Variants in YTHDC2 observed in about 807,000 individuals in gnomAD.
YTHDC2 encodes the protein 3'-5' RNA helicase YTHDC2.
YTHDC2 carries 45 observed loss-of-function variants against 174.9 expected under a neutral mutation model. The observed-to-expected ratio is 0.26, with a 90% confidence interval of 0.20 to 0.33. The LOEUF is 0.33. YTHDC2 is among the 10% of genes least tolerant of loss of function. YTHDC2 has a pLI of 1.00. For synonymous variants in YTHDC2, 657 were observed against 574.5 expected (o/e 1.14, Z -2.05); for missense variants, 1,650 against 1,723.7 (o/e 0.96, Z 0.76).
At position 113,567,083 on chromosome 5, in the gene YTHDC2, C is replaced by T. The variant is rs752342103; in HGVS notation, c.2843-9C>T. 6.2e-7 allele frequency: 1 copy of T among 1,600,058 alleles called. No homozygotes were observed. ...ATAGAAAAATTGGTGTGGTTTTTTT[C>T]CCCTCTAGGTTTTGTTAGAGCACGA... On this transcript the variant is annotated splice_polypyrimidine_tract_variant and intron_variant, in intron 21 of 29. Coordinates refer to ENST00000161863, the MANE Select transcript of YTHDC2 (RefSeq NM_022828.5).
chr5:113,528,229 A>G (rs184880003), intron 4 of YTHDC2, among the ~76,000 whole-genome samples: 34 of 152,302 alleles, frequency 2.2e-4, no homozygotes, highest in African/African-American at 8.2e-4. Context: ...GTATCATTTT[A>G]CTAGATATGA....
chr5:113,561,239 G>C, intron 18 of YTHDC2, 54 bp downstream of exon 18: 57 of 1,391,774 alleles, frequency 4.1e-5, no homozygotes, highest in Non-Finnish European at 5.1e-5. Context: ...GAAGTGAGGG[G>C]CCATTTCAAC....
chr5:113,513,978 G>C lies in YTHDC2; in HGVS notation c.83G>C (p.Gly28Ala), dbSNP rs758785871. ...GGGGPSPCGP[G>A]GGGRAKGLKD... ...GGCGGCCCCTCGCCTTGTGGCCCTG[G>C]GGGCGGCGGCCGGGCCAAGGGGCTG... is the stretch of plus-strand genomic sequence containing the variant. The change falls in exon 1 of 30, where the codon GGG becomes GCG. Residue 28 changes from glycine (G) to alanine (A), a missense_variant. Physicochemically the swap from Gly to Ala is moderately conservative, Grantham distance 60. Around this residue, in one of 5 missense-constraint regions of YTHDC2, gnomAD observed 304 missense variants for 341.4 expected, o/e 0.89. Coordinates refer to ENST00000161863, the MANE Select transcript of YTHDC2 (RefSeq NM_022828.5). The C allele has an allele frequency of 2.5e-6, 4 of 1,603,348 alleles. No homozygotes were observed. The highest frequency in any genetic ancestry group is 3.4e-6 in the Non-Finnish European group (4 of 1,175,814).
intron 16 of YTHDC2, among the ~76,000 whole-genome samples, chr5:113,555,071 T>A (rs1005213791): frequency 3.9e-5 from 6 of 152,002 alleles, no homozygotes; most frequent in African/African-American, 1.4e-4. Context: ...TTTTATATAA[T>A]AGTACATTAA....
At chr5:113,534,539 A>C in intron 6 of YTHDC2, 132 bp downstream of exon 6, 1 of 593,482 alleles carries the variant, frequency 1.7e-6, no homozygotes. Context: ...AAAGAGAACC[A>C]ACTTATTCTT....
chr5:113,527,142 T>C (rs973351899), intron 4 of YTHDC2, among the ~76,000 whole-genome samples: 1 of 152,168 alleles, frequency 6.6e-6, no homozygotes, highest in African/African-American at 2.4e-5. Context: ...CAGGCTCTTT[T>C]TGTAACCTCT....
chr5:113,548,088 C>G (rs976114842), intron 10 of YTHDC2, among the ~76,000 whole-genome samples: 2 of 152,074 alleles, frequency 1.3e-5, no homozygotes, highest in Non-Finnish European at 2.9e-5. Context: ...AAAATAACAA[C>G]CAAACATTGT....
intron 17 of YTHDC2, among the ~76,000 whole-genome samples, chr5:113,560,411 A>T (rs1044569332): frequency 6.6e-6 from 1 of 152,070 alleles, no homozygotes; most frequent in Non-Finnish European, 1.5e-5. Context: ...GTCCTCTTGT[A>T]TTTGATGAAG....
At chr5:113,538,970 C>A in intron 7 of YTHDC2, 104 bp from the exon 8 acceptor site, 2 of 572,314 alleles carry the variant, frequency 3.5e-6, no homozygotes, top group Non-Finnish European at 3.0e-6. Flanking sequence ...TATGAAATTG[C>A]TTTTGGATAT....
Position 113,569,381 on chromosome 5 carries a change from C to T in YTHDC2, c.3244+1532C>T, listed in dbSNP as rs544075092. 7.5e-4 allele frequency among the ~76,000 whole-genome samples: 114 copies of T among 152,294 alleles called. No individual in the cohort carries two copies. In the Middle Eastern group the frequency reaches 0.01, roughly 14 times the overall value. ...CATTTGTCAATTTTTGCTTTTGCTG[C>T]AATTGCTTTTGGCGTTTTTATCATG... is the stretch of plus-strand genomic sequence containing the variant. On this transcript the variant is annotated intron_variant, in intron 23 of 29. Transcript: ENST00000161863.
intron 17 of YTHDC2, among the ~76,000 whole-genome samples, chr5:113,559,343 A>G (rs1776813664): frequency 1.3e-5 from 2 of 152,244 alleles, no homozygotes. Flanking sequence ...ACTAAGAAAG[A>G]TAAGACATCA....
intron 18 of YTHDC2, 102 bp from the exon 19 acceptor site, chr5:113,563,271 T>G (rs1279611862): frequency 5.2e-6 from 5 of 962,966 alleles, no homozygotes; most frequent in Non-Finnish European, 7.4e-6. Flanking sequence ...TCAGAGACTC[T>G]ACTAGTCTGT....
intron 7 of YTHDC2, among the ~76,000 whole-genome samples, chr5:113,537,348 G>A (rs1299639298): frequency 1.4e-5 from 2 of 144,066 alleles, no homozygotes; most frequent in Non-Finnish European, 3.0e-5. Flanking sequence ...ATGTTTTATG[G>A]TTGGCTCTCT....
At chr5:113,577,814 G>T (rs1417769035) in intron 23 of YTHDC2, among the ~76,000 whole-genome samples, 1 of 152,040 alleles carries the variant, frequency 6.6e-6, no homozygotes, top group Non-Finnish European at 1.5e-5. Context: ...TGATTCTTAA[G>T]ATTCTTTTGT....
At chr5:113,523,682 G>T (rs2112543088) in intron 2 of YTHDC2, among the ~76,000 whole-genome samples, 1 of 152,032 alleles carries the variant, frequency 6.6e-6, no homozygotes, top group South Asian at 2.1e-4. Flanking sequence ...ATTCAATAAG[G>T]AGTTTCCAGA....
chr5:113,542,586 C>T (rs2112625357), intron 10 of YTHDC2, 83 bp downstream of exon 10: 2 of 1,278,778 alleles, frequency 1.6e-6, no homozygotes, highest in Admixed American at 2.9e-5. Context: ...TATGTACTAC[C>T]AATAATTGCA....
At chr5:113,534,663 T>C (rs1774930674) in intron 6 of YTHDC2, among the ~76,000 whole-genome samples, 1 of 152,084 alleles carries the variant, frequency 6.6e-6, no homozygotes, top group Admixed American at 6.5e-5. Context: ...AATAAGCAGG[T>C]AGTTTTAAAA....
intron 17 of YTHDC2, among the ~76,000 whole-genome samples, chr5:113,559,864 A>G (rs943252185): frequency 1.3e-5 from 2 of 152,232 alleles, no homozygotes; most frequent in Non-Finnish European, 2.9e-5. Flanking sequence ...CTGACTACCA[A>G]GAGGTAGAAG....
Position 113,526,568 on chromosome 5 carries a change from T to C in YTHDC2, c.476-18T>C. 6.5e-7 allele frequency: 1 copy of C among 1,544,412 alleles called. No homozygotes were observed. Among genetic ancestry groups the C allele is most frequent in the Non-Finnish European group, 8.7e-7 (1 of 1,143,012 alleles). ...CGTGTTGATCATACATTTTTTGTTC[T>C]TTTATTCATTTTCAAAGAAAACCGG... On this transcript the variant is annotated intron_variant, in intron 3 of 29. Coordinates refer to ENST00000161863, the MANE Select transcript of YTHDC2 (RefSeq NM_022828.5).
Sources: allele counts gnomAD v4.1 joint callset (sites outside exome capture counted in the v4.1 genomes callset), GRCh38; gene constraint gnomAD v4.1.1; regional missense constraint gnomAD v4.1.1; transcripts MANE v1.5; gene names NCBI Gene and HGNC (gene_info 2026-07-23, HGNC 2026-07-21).